Variants in FTCDNL1 observed in about 807,000 individuals in gnomAD.
FTCDNL1 encodes the protein formiminotransferase N-terminal subdomain-containing protein.
In FTCDNL1, 11 loss-of-function variants were observed where a neutral mutation model predicts 5.9. The ratio of observed to expected loss-of-function variants is 1.87; its 90% CI spans 1.18 to 3.10. The LOEUF (loss-of-function observed/expected upper bound fraction) is 3.10, where lower values mean the gene tolerates loss of function less well. Among genes scored for constraint, FTCDNL1 ranks in the 30% most tolerant of loss-of-function variants. The probability of loss-of-function intolerance (pLI) is 0.00; values close to 1 mark genes in which losing one functional copy is unlikely to be tolerated. For synonymous variants in FTCDNL1, 58 were observed against 24.8 expected, an observed-to-expected ratio of 2.34 and a Z score of -3.99; for missense variants, 115 against 65.5, an observed-to-expected ratio of 1.76 and a Z score of -2.61.
chr2:199,691,568 T>A, the FTCDNL1 span, among the ~76,000 whole-genome samples: 30 of 152,338 alleles, frequency 2.0e-4, no homozygotes, highest in Admixed American at 9.8e-4. Context: ...GTAAAGTAGG[T>A]CCAAGAATAT....
At chr2:199,685,550 G>A in the FTCDNL1 span, among the ~76,000 whole-genome samples, 4 of 152,146 alleles carry the variant, frequency 2.6e-5, no homozygotes, top group Admixed American at 6.5e-5. Flanking sequence ...GACTGATCAC[G>A]GTTAGAGTCT....
chr2:199,765,556 A>ATATATATATATATTTTTTTTTTT, intron 3 of FTCDNL1, among the ~76,000 whole-genome samples: 14 of 42,656 alleles, frequency 3.3e-4, no homozygotes, highest in South Asian at 1.9e-3. Flanking sequence ...ATATATATAT[A>ATATATATATATATTTTTTTTTTT]TTTTTTTTTT....
At chr2:199,757,589 C>T (rs1295808555), downstream of FTCDNL1, among the ~76,000 whole-genome samples, 1 of 152,346 alleles carries the variant, frequency 6.6e-6, no homozygotes, top group African/African-American at 2.4e-5. Context: ...AAATAACACT[C>T]ATTGAAAATC....
chr2:199,759,154 T>C (rs191945692), downstream of FTCDNL1, among the ~76,000 whole-genome samples: 42 of 152,014 alleles, frequency 2.8e-4, no homozygotes, highest in South Asian at 2.3e-3. Context: ...TATATATATA[T>C]ACACATATGT....
At chr2:199,757,224 A>T (rs1257325797), downstream of FTCDNL1, among the ~76,000 whole-genome samples, 1 of 152,166 alleles carries the variant, frequency 6.6e-6, no homozygotes, top group Non-Finnish European at 1.5e-5. Context: ...GTACACAAAT[A>T]TAAGAACCCT....
chr2:199,752,736 C>CTGTG, the FTCDNL1 span, among the ~76,000 whole-genome samples: 5 of 25,660 alleles, frequency 1.9e-4, no homozygotes, highest in Non-Finnish European at 6.4e-4. Context: ...CTATCTCTCT[C>CTGTG]TCTCTGTGTG....
At chr2:199,683,414 T>C in the FTCDNL1 span, among the ~76,000 whole-genome samples, 5 of 152,078 alleles carry the variant, frequency 3.3e-5, no homozygotes, top group Non-Finnish European at 5.9e-5. Context: ...CTACTCAGTA[T>C]TCATATTTCC....
the FTCDNL1 span, among the ~76,000 whole-genome samples, chr2:199,677,088 TTG>T: frequency 6.6e-6 from 1 of 152,170 alleles, no homozygotes; most frequent in Non-Finnish European, 1.5e-5. Context: ...GAGAAGCGTG[TTG>T]AGGTACTACG....
At chr2:199,789,920 T>C (rs1161462785) in intron 3 of FTCDNL1, among the ~76,000 whole-genome samples, 2 of 152,044 alleles carry the variant, frequency 1.3e-5, no homozygotes, top group African/African-American at 2.4e-5. Flanking sequence ...ATAAAGAGGA[T>C]GGTAACTCTA....
At chr2:199,736,489 C>A in the FTCDNL1 span, among the ~76,000 whole-genome samples, 1 of 152,316 alleles carries the variant, frequency 6.6e-6, no homozygotes, top group East Asian at 1.9e-4. Context: ...AAAATCTTCT[C>A]AAACGCTACC....
intron 3 of FTCDNL1, among the ~76,000 whole-genome samples, chr2:199,835,953 T>C (rs913140894): frequency 1.3e-5 from 2 of 152,140 alleles, no homozygotes; most frequent in East Asian, 1.9e-4. Context: ...GGTTTAACAC[T>C]GAGTGTCTTA....
chr2:199,676,364 C>T, the FTCDNL1 span, among the ~76,000 whole-genome samples: 1 of 151,996 alleles, frequency 6.6e-6, no homozygotes, highest in Non-Finnish European at 1.5e-5. Flanking sequence ...TCAATAGATT[C>T]CATTTTTAAT....
At chr2:199,754,573 C>T in the FTCDNL1 span, among the ~76,000 whole-genome samples, 4 of 152,108 alleles carry the variant, frequency 2.6e-5, no homozygotes, top group African/African-American at 4.8e-5. Flanking sequence ...TTATTTAAGT[C>T]GTTATTTTAA....
chr2:199,722,844 T>C, the FTCDNL1 span, among the ~76,000 whole-genome samples: 1 of 152,316 alleles, frequency 6.6e-6, no homozygotes, highest in Non-Finnish European at 1.5e-5. Flanking sequence ...TTCACTTCCC[T>C]TGTTAGTTGT....
chr2:199,752,631 G>A, the FTCDNL1 span, among the ~76,000 whole-genome samples: 1 of 152,068 alleles, frequency 6.6e-6, no homozygotes, highest in Middle Eastern at 3.4e-3. Context: ...TGCAGAATTT[G>A]GACTTGCCAG....
At chr2:199,689,274 G>T in the FTCDNL1 span, among the ~76,000 whole-genome samples, 1 of 152,104 alleles carries the variant, frequency 6.6e-6, no homozygotes, top group African/African-American at 2.4e-5. Context: ...TTTTCTAATG[G>T]TTTGGGTCTA....
intron 3 of FTCDNL1, among the ~76,000 whole-genome samples, chr2:199,824,166 G>C (rs1365221510): frequency 6.6e-6 from 1 of 152,202 alleles, no homozygotes. Context: ...GTAACTTGTT[G>C]CAGCTTCTAC....
chr2:199,843,147 A>G (rs1414008538), intron 3 of FTCDNL1, among the ~76,000 whole-genome samples: 1 of 152,172 alleles, frequency 6.6e-6, no homozygotes, highest in Non-Finnish European at 1.5e-5. Context: ...CTGAGCTCTC[A>G]TTTAATTAGA....
At chr2:199,784,942 C>T (rs893778218) in intron 3 of FTCDNL1, among the ~76,000 whole-genome samples, 10 of 152,102 alleles carry the variant, frequency 6.6e-5, no homozygotes, top group African/African-American at 2.4e-4. Flanking sequence ...AGAACACATG[C>T]CCAGTTAACT....
Sources: allele counts gnomAD v4.1 joint callset (sites outside exome capture counted in the v4.1 genomes callset), GRCh38; gene constraint gnomAD v4.1.1; transcripts MANE v1.5; gene names NCBI Gene and HGNC (gene_info 2026-07-23, HGNC 2026-07-21).